The following PTCH1 variants were observed in gnomAD, a reference collection of about 807,000 sequenced individuals.
The protein encoded by PTCH1 is patched 1.
Under a neutral mutation model 144.6 loss-of-function variants are expected in PTCH1, and 14 were observed. The ratio of observed to expected loss-of-function variants is 0.10; its 90% CI spans 0.06 to 0.15. The LOEUF (loss-of-function observed/expected upper bound fraction) is 0.15, where lower values mean the gene tolerates loss of function less well. Among genes scored for constraint, PTCH1 ranks in the 10% least tolerant of loss-of-function variants. The pLI is 1.00. For missense variants in PTCH1, 1,623 were observed against 1,948.3 expected (o/e 0.83, Z 3.14); for synonymous variants, 833 against 793.6 (o/e 1.05, Z -0.83).
chr9:95,507,533 G>A (rs1843782367), intron 1 of PTCH1: 1 of 779,516 alleles, frequency 1.3e-6, no homozygotes, highest in Non-Finnish European at 1.6e-6. Flanking sequence ...CCCCCGACCA[G>A]GCCCTAAGGA....
In PTCH1 at chr9:95,447,024, T is replaced by C. The variant is rs774913538; in HGVS notation, c.4232A>G (p.Asp1411Gly). The stretch of plus-strand genomic sequence containing the variant: ...CCGGACGTGGAAAGGCACGTGGGGG[T>C]CCTCAAACAGGCCGTGGTCAGTCTC... ...YPETDHGLFE[D>G]PHVPFHVRCE... Residue 1411 changes from aspartate to glycine, a missense_variant, in exon 23 of 24, where the codon GAC becomes GGC. Asp to Gly is a moderately conservative substitution (Grantham distance 94). Coordinates refer to ENST00000331920, the MANE Select transcript of PTCH1 (RefSeq NM_000264.5). The C allele has an allele frequency of 1.9e-6, 3 of 1,613,886 alleles. No homozygotes were observed. The South Asian group carries it at 3.3e-5, about 18-fold the overall frequency.
chr9:95,446,690 A>C, intron 23 of PTCH1: 1 of 630,648 alleles, frequency 1.6e-6, no homozygotes, highest in Non-Finnish European at 2.8e-6. Context: ...TCCGCAGGTT[A>C]GCAGTGGGGG....
chr9:95,470,548 A>G (rs1840472589), intron 12 of PTCH1, among the ~76,000 whole-genome samples: 1 of 152,208 alleles, frequency 6.6e-6, no homozygotes, highest in Non-Finnish European at 1.5e-5. Flanking sequence ...ATAAATAAGT[A>G]CAGATTCAAA....
chr9:95,457,677 C>A (rs1839059243), intron 18 of PTCH1, among the ~76,000 whole-genome samples: 1 of 152,118 alleles, frequency 6.6e-6, no homozygotes, highest in South Asian at 2.1e-4. Context: ...TGGATGAGGT[C>A]ACAAAATGAC....
At position 95,480,381 on chromosome 9, in the gene PTCH1, G is replaced by C. The variant is rs878853860; in HGVS notation, c.945+9C>G. ...CACCCTTCTGAGAGCGCTCACTGCT[G>C]GTACTCACTTTGGTTGAATTTTTGT... On this transcript the variant is annotated intron_variant, in intron 6 of 23. Transcript: ENST00000331920. 8 of 1,609,800 alleles carry C rather than the reference G, an allele frequency of 5.0e-6. No individual in the cohort carries two copies. Among genetic ancestry groups the C allele is most frequent in the Non-Finnish European group, 6.8e-6 (8 of 1,179,362 alleles).
In PTCH1 at chr9:95,449,155, G is replaced by A. The variant is rs2136598509; in HGVS notation, c.3718C>T (p.His1240Tyr). 1.2e-6 allele frequency: 2 copies of A among 1,613,860 alleles called. No individual in the cohort carries two copies. The highest frequency in any genetic ancestry group is 1.7e-6 in the Non-Finnish European group (2 of 1,179,898). Reference protein sequence around the residue: ...TVSGLSEELRHYEAQQGAGGP... With the variant: ...TVSGLSEELRYYEAQQGAGGP... Reference sequence around the variant, plus strand: ...CCCGCGCCCTGCTGGGCCTCGTAGTGCCGAAGCTCCTCGCTGAGGCCTGAC... The same window carrying A: ...CCCGCGCCCTGCTGGGCCTCGTAGTACCGAAGCTCCTCGCTGAGGCCTGAC... The change falls in exon 22 of 24, where the codon CAC becomes TAC. Residue 1240 changes from histidine to tyrosine, a missense_variant. Physicochemically the swap from His to Tyr is moderately conservative, Grantham distance 83. Transcript: ENST00000331920. The surrounding 1 kb of genome is among the most constrained non-coding windows in gnomAD (Gnocchi z 5.3).
At chr9:95,491,443 T>C (rs553854505) in intron 2 of PTCH1, among the ~76,000 whole-genome samples, 44 of 152,202 alleles carry the variant, frequency 2.9e-4, no homozygotes, top group African/African-American at 9.6e-4. Context: ...TAGCTGACAA[T>C]GTGTGTGAAA....
At chr9:95,513,897 C>T (rs999799226), upstream of PTCH1, 7 of 152,130 alleles carry the variant, frequency 4.6e-5, no homozygotes, top group African/African-American at 1.7e-4. Context: ...CCCCTGATCT[C>T]CTTTAATGGG....
intron 2 of PTCH1, among the ~76,000 whole-genome samples, chr9:95,491,891 A>G (rs2118661277): frequency 6.6e-6 from 1 of 152,364 alleles, no homozygotes; most frequent in African/African-American, 2.4e-5. Flanking sequence ...CAACTGCACA[A>G]AAAGTTAACT....
In PTCH1 at chr9:95,449,121, G is replaced by A. The variant is rs747739936; in HGVS notation, c.3752C>T (p.Ala1251Val). Residue 1251 changes from alanine to valine, a missense_variant, in exon 22 of 24, where the codon GCC becomes GTC. Coordinates refer to ENST00000331920, the MANE Select transcript of PTCH1 (RefSeq NM_000264.5). The surrounding 1 kb of genome is among the most constrained non-coding windows in gnomAD (Gnocchi z 5.3). ...YEAQQGAGGP[A>V]HQVIVEATEN... ...TGTGGCTTCCACGATCACTTGGTGG[G>A]CAGGGCCTCCCGCGCCCTGCTGGGC... 1 of 1,614,208 alleles carries A rather than the reference G, an allele frequency of 6.2e-7. No individual in the cohort carries two copies. Among genetic ancestry groups the A allele is most frequent in the South Asian group, 1.1e-5 (1 of 91,072 alleles).
exon 1 of PTCH1, chr9:95,516,856 A>G (rs1844391360): frequency 2.6e-6 from 4 of 1,544,030 alleles, no homozygotes; most frequent in South Asian, 1.2e-5. Context: ...CGCCATAGGC[A>G]GGACCTGTCA....
rs1403674012 is a variant in PTCH1 at position 95,506,049 on chromosome 9, G to T, written c.394+358C>A. Reference sequence around the variant, plus strand: ...GGGCCGCGGAGCGGGGCCGGGAGAGGCCAGCCCCGGGGCGCCTCTCGGGGC... The same window carrying T: ...GGGCCGCGGAGCGGGGCCGGGAGAGTCCAGCCCCGGGGCGCCTCTCGGGGC... On this transcript the variant is annotated intron_variant, in intron 2 of 23. Coordinates refer to ENST00000331920, the MANE Select transcript of PTCH1 (RefSeq NM_000264.5). Among the ~76,000 whole-genome samples, 8 of 148,016 alleles carry T rather than the reference G, an allele frequency of 5.4e-5. 1 individual carries two copies. The highest frequency in any genetic ancestry group is 2.0e-4 in the African/African-American group (8 of 40,986).
At position 95,456,822 on chromosome 9, in the gene PTCH1, C is replaced by T. The variant is rs56404520; in HGVS notation, c.3169-409G>A. 2.1e-3 allele frequency among the ~76,000 whole-genome samples: 321 copies of T among 152,256 alleles called. 1 individual carries two copies. Among genetic ancestry groups the T allele is most frequent in the Middle Eastern group, 6.8e-3 (2 of 294 alleles). The stretch of plus-strand genomic sequence containing the variant: ...TGGGTCTCAGCCGCCAGAGACCATC[C>T]GTGAACCCATCATTAAGTTTTTGGT... On this transcript the variant is annotated intron_variant, in intron 18 of 23. Coordinates refer to ENST00000331920, the MANE Select transcript of PTCH1 (RefSeq NM_000264.5).
rs762087413 is a variant in PTCH1 at position 95,461,949 on chromosome 9, T to G, written c.2610A>C (p.Pro870=). ...DSDWETGKIM[P]NNYKNGSDDG... is the part of the protein sequence containing the mutation. ...CGTCTGATCCATTCTTGTAATTGTTTGGCATGATTTTCCCGGTTTCCCAGT... is the reference window on the plus strand; with the variant it reads ...CGTCTGATCCATTCTTGTAATTGTTGGGCATGATTTTCCCGGTTTCCCAGT... The change falls in exon 16 of 24, where the codon CCA becomes CCC. Residue 870 remains proline, a synonymous_variant. Coordinates refer to ENST00000331920, the MANE Select transcript of PTCH1 (RefSeq NM_000264.5). 4 of 1,614,234 alleles carry G rather than the reference T, an allele frequency of 2.5e-6. No homozygotes were observed. In the Admixed American group the frequency reaches 6.7e-5, roughly 27 times the overall value.
chr9:95,476,885 T>C lies in PTCH1; in HGVS notation c.1504-28A>G. On this transcript the variant is annotated intron_variant, in intron 10 of 23. Coordinates refer to ENST00000331920, the MANE Select transcript of PTCH1 (RefSeq NM_000264.5). The surrounding 1 kb of genome is among the most constrained non-coding windows in gnomAD (Gnocchi z 4.6). ...ACAGCAAAAACAGAGGATGGTGGCA[T>C]TAGACATGCGAGATGCAATTCAGAT... 3 of 1,597,874 alleles carry C rather than the reference T, an allele frequency of 1.9e-6. No homozygotes were observed. The highest frequency in any genetic ancestry group is 2.6e-6 in the Non-Finnish European group (3 of 1,166,610).
rs548846316 is a variant in PTCH1, at chr9:95,457,170, G to A, written c.3169-757C>T. Among the ~76,000 whole-genome samples the A allele has an allele frequency of 8.7e-5, 13 of 149,416 alleles. No individual in the cohort carries two copies. In the South Asian group the frequency reaches 2.6e-3, roughly 30 times the overall value. ...GATTTGGAGTTTCTTGGTCCAAAGC[G>A]GAGAAGATACAAATAAACAACAAGT... On this transcript the variant is annotated intron_variant, in intron 18 of 23. Transcript: ENST00000331920.
chr9:95,510,034 GGA>G (rs1390640589), upstream of PTCH1, among the ~76,000 whole-genome samples: 1 of 150,658 alleles, frequency 6.6e-6, no homozygotes, highest in Non-Finnish European at 1.5e-5. Context: ...TTGGTTTGAA[GGA>G]GTCAGTGTTC....
At chr9:95,506,864 C>T (rs1843700602) in intron 1 of PTCH1, 2 of 1,176,518 alleles carry the variant, frequency 1.7e-6, no homozygotes, top group African/African-American at 1.6e-5. Flanking sequence ...CGACTTGGGG[C>T]ACTGGGGCTG....
intron 2 of PTCH1, 166 bp downstream of exon 2, chr9:95,506,241 C>T (rs1255374438): frequency 6.7e-6 from 5 of 744,294 alleles, no homozygotes; most frequent in Admixed American, 3.1e-5. Context: ...CTTTGTCGGG[C>T]GGGCCTGGCT....
Sources: allele counts gnomAD v4.1 joint callset (sites outside exome capture counted in the v4.1 genomes callset), GRCh38; gene constraint gnomAD v4.1.1; non-coding constraint Gnocchi (gnomAD v3.1); transcripts MANE v1.5; gene names NCBI Gene and HGNC (gene_info 2026-07-23, HGNC 2026-07-21).